Variants in PRR14L observed in about 807,000 individuals in gnomAD.
PRR14L encodes the protein protein PRR14L.
Under a neutral mutation model 155.0 loss-of-function variants are expected in PRR14L, and 80 were observed. The observed-to-expected ratio is 0.52, with a 90% CI of 0.43 to 0.62. The LOEUF (loss-of-function observed/expected upper bound fraction) is 0.62. Among genes scored for constraint, PRR14L ranks in the 20% least tolerant of loss-of-function variants. The probability of loss-of-function intolerance (pLI) is 0.00; values close to 1 mark genes in which losing one functional copy is unlikely to be tolerated. For missense variants in PRR14L, 2,469 were observed against 2,548.0 expected, an observed-to-expected ratio of 0.97 and a Z score of 0.67; for synonymous variants, 883 against 916.0, an observed-to-expected ratio of 0.96 and a Z score of 0.65.
chr22:31,727,653 C>A (rs1278138520), intron 2 of PRR14L, among the ~76,000 whole-genome samples: 3 of 152,092 alleles, frequency 2.0e-5, no homozygotes, highest in Non-Finnish European at 4.4e-5. Context: ...GGAGACTCTA[C>A]AAGGTTTGTG....
intron 1 of PRR14L, among the ~76,000 whole-genome samples, chr22:31,747,878 T>G (rs985364884): frequency 6.7e-6 from 1 of 150,360 alleles, no homozygotes; most frequent in Non-Finnish European, 1.5e-5. Flanking sequence ...GCTCTCAATC[T>G]CATCAGAATA....
At chr22:31,724,784 T>C (rs1025786473) in intron 3 of PRR14L, among the ~76,000 whole-genome samples, 4 of 152,168 alleles carry the variant, frequency 2.6e-5, no homozygotes, top group Admixed American at 6.5e-5. Context: ...GAGGAGAACC[T>C]TACCTCAGCT....
intron 7 of PRR14L, among the ~76,000 whole-genome samples, chr22:31,696,290 C>T (rs140532077): frequency 0.019 from 2,812 of 151,886 alleles, 94 homozygotes; most frequent in African/African-American, 0.062. Flanking sequence ...TACAGGTGTA[C>T]GCCACCACAC....
intron 2 of PRR14L, among the ~76,000 whole-genome samples, chr22:31,732,013 T>C (rs1768486224): frequency 6.6e-6 from 1 of 152,226 alleles, no homozygotes; most frequent in South Asian, 2.1e-4. Context: ...AAAGATGTAC[T>C]TACAGAAGTG....
intron 2 of PRR14L, among the ~76,000 whole-genome samples, chr22:31,733,310 T>TGTTTG (rs994265533): frequency 1.4e-5 from 2 of 142,200 alleles, no homozygotes; most frequent in African/African-American, 5.3e-5. Flanking sequence ...TTTTTTTTTT[T>TGTTTG]TTTTTTTTTT....
At position 31,729,728 on chromosome 22, in the gene PRR14L, A is replaced by G. The variant is rs144609666; in HGVS notation, c.475-4118T>C. ...AGTCAAATTCATAGAGACAGAAAGTAGAATGGTTGTTGTCAAAGACGGGGT... is the reference window on the plus strand; with the variant it reads ...AGTCAAATTCATAGAGACAGAAAGTGGAATGGTTGTTGTCAAAGACGGGGT... On this transcript the variant is annotated intron_variant, in intron 2 of 8. Coordinates refer to ENST00000327423, the MANE Select transcript of PRR14L (RefSeq NM_173566.3). Among the ~76,000 whole-genome samples the G allele has an allele frequency of 2.5e-3, 384 of 152,306 alleles. 1 individual carries two copies. The highest frequency in any genetic ancestry group is 9.0e-3 in the African/African-American group (374 of 41,572).
chr22:31,694,966 C>T (rs757741608), intron 7 of PRR14L, among the ~76,000 whole-genome samples: 1 of 151,636 alleles, frequency 6.6e-6, no homozygotes, highest in Non-Finnish European at 1.5e-5. Context: ...TCCTGTAGTC[C>T]CTGCTACTCG....
At position 31,704,980 on chromosome 22, in the gene PRR14L, C is replaced by T. The variant is rs2074582078; in HGVS notation, c.5757-254G>A. Among the ~76,000 whole-genome samples, 11 of 152,300 alleles carry T rather than the reference C, an allele frequency of 7.2e-5. 1 individual carries two copies. The South Asian group carries it at 2.3e-3, about 32-fold the overall frequency. On this transcript the variant is annotated intron_variant, in intron 4 of 8. Coordinates refer to ENST00000327423, the MANE Select transcript of PRR14L (RefSeq NM_173566.3). The stretch of plus-strand genomic sequence containing the variant: ...CAGAGACAGAAAGAAAGAACAGTGG[C>T]TGGGCAAGGTGGCTGATGCCTATAA...
At chr22:31,718,327 C>T (rs1419098771) in intron 3 of PRR14L, among the ~76,000 whole-genome samples, 1 of 151,810 alleles carries the variant, frequency 6.6e-6, no homozygotes, top group Non-Finnish European at 1.5e-5. Context: ...GCAATCTCGG[C>T]TCACTGCAAC....
rs1484673500 is a variant in PRR14L at position 31,716,481 on chromosome 22, G to A, written c.1358C>T (p.Thr453Ile). Residue 453 changes from threonine (T) to isoleucine (I), a missense_variant, in exon 4 of 9, where the codon ACA becomes ATA. By Grantham distance (89) the Thr-to-Ile change is moderately conservative (BLOSUM62 -1). This residue lies in a region of PRR14L where 2,363 missense variants were observed against 2,371.6 expected (regional missense o/e 1.00). Transcript: ENST00000327423. ...HNNCIQDSLH[T>I]GNSSSLMPNS... ...GGGCATTAAAGAACTAGAGTTCCCTGTATGGAGACTGTCTTGAATGCAGTT... is the reference window on the plus strand; with the variant it reads ...GGGCATTAAAGAACTAGAGTTCCCTATATGGAGACTGTCTTGAATGCAGTT... 2.6e-6 allele frequency: 4 copies of A among 1,549,890 alleles called. No homozygotes were observed. The East Asian group carries it at 9.8e-5, about 38-fold the overall frequency.
At chr22:31,747,796 T>G (rs1055148069) in intron 1 of PRR14L, among the ~76,000 whole-genome samples, 1 of 148,928 alleles carries the variant, frequency 6.7e-6, no homozygotes, top group Non-Finnish European at 1.5e-5. Context: ...GCAGTGTTAA[T>G]TCCTATCCCA....
Position 31,708,327 on chromosome 22 carries a change from GTTTA to G in PRR14L, c.5757-3605_5757-3602del, listed in dbSNP as rs957827022. Among the ~76,000 whole-genome samples, 23 of 151,460 alleles carry G rather than the reference GTTTA, an allele frequency of 1.5e-4. No homozygotes were observed. The East Asian group carries it at 1.6e-3, about 10-fold the overall frequency. On this transcript the variant is annotated intron_variant, in intron 4 of 8. Transcript: ENST00000327423. ...CACAATACAAACCAGCAGGTTTGTTGTTTATTTATTTATTTTTGAGACAGAGTCT... is the reference window on the plus strand; with the variant it reads ...CACAATACAAACCAGCAGGTTTGTTGTTTATTTATTTTTGAGACAGAGTCT...
In PRR14L at chr22:31,689,151, T is replaced by G. The variant is rs1183484606; in HGVS notation, c.6108-924A>C. Reference sequence around the variant, plus strand: ...TTTTAATCTATTGAACTTATTATTCTTTTGAGTCTCATCTGTGGCCAGAGG... The same window carrying G: ...TTTTAATCTATTGAACTTATTATTCGTTTGAGTCTCATCTGTGGCCAGAGG... On this transcript the variant is annotated intron_variant, in intron 7 of 8. Transcript: ENST00000327423. 2.0e-5 allele frequency among the ~76,000 whole-genome samples: 3 copies of G among 152,224 alleles called. 1 individual carries two copies. The highest frequency in any genetic ancestry group is 4.1e-4 in the South Asian group (2 of 4,838).
chr22:31,737,455 T>C (rs945968117), intron 2 of PRR14L, among the ~76,000 whole-genome samples: 1 of 151,494 alleles, frequency 6.6e-6, no homozygotes, highest in Non-Finnish European at 1.5e-5. Flanking sequence ...CACTTCAGCC[T>C]GGGTGACAGA....
chr22:31,698,147 C>G (rs530786818), intron 7 of PRR14L, among the ~76,000 whole-genome samples: 2 of 151,464 alleles, frequency 1.3e-5, no homozygotes, highest in Non-Finnish European at 2.9e-5. Flanking sequence ...GCCTTAGCCT[C>G]ATGAGTAGCT....
intron 2 of PRR14L, among the ~76,000 whole-genome samples, chr22:31,729,058 C>A (rs2074733853): frequency 6.6e-6 from 1 of 152,174 alleles, no homozygotes; most frequent in Non-Finnish European, 1.5e-5. Flanking sequence ...AGATTTTGAC[C>A]TTCCTCCTAC....
intron 8 of PRR14L, 110 bp downstream of exon 8, chr22:31,688,046 A>C: frequency 4.0e-6 from 4 of 995,600 alleles, no homozygotes; most frequent in Non-Finnish European, 5.6e-6. Context: ...AAAAAAAAAG[A>C]CCCAATATTG....
chr22:31,741,941 T>C (rs2074815278), intron 1 of PRR14L, among the ~76,000 whole-genome samples: 1 of 152,174 alleles, frequency 6.6e-6, no homozygotes, highest in Non-Finnish European at 1.5e-5. Flanking sequence ...TATTTCCAGA[T>C]ACAGAAACAT....
At chr22:31,724,548 G>C (rs2074707027) in intron 3 of PRR14L, among the ~76,000 whole-genome samples, 1 of 152,094 alleles carries the variant, frequency 6.6e-6, no homozygotes, top group African/African-American at 2.4e-5. Context: ...CCACAGGTGT[G>C]TGTGCTGCCA....
Sources: gnomAD v4.1 joint callset for allele counts (sites outside exome capture counted in the v4.1 genomes callset) on GRCh38, gnomAD v4.1.1 for gene constraint, gnomAD v4.1.1 regional missense constraint, MANE v1.5 for transcripts, NCBI Gene and HGNC (gene_info 2026-07-23, HGNC 2026-07-21) for gene names.